GRID1: variants seen among roughly 807,000 people sequenced by gnomAD.
The protein encoded by GRID1 is glutamate ionotropic receptor delta type subunit 1.
A neutral mutation model predicts 98.0 loss-of-function variants in GRID1; 28 were observed. The ratio of observed to expected loss-of-function variants is 0.29; its 90% confidence interval spans 0.21 to 0.39. The LOEUF is 0.39. GRID1 is among the 10% of genes least tolerant of loss of function. GRID1 has a pLI of 1.00. For missense variants in GRID1, 1,111 were observed against 1,340.5 expected (o/e 0.83, Z 2.67); for synonymous variants, 553 against 538.5 (o/e 1.03, Z -0.37).
chr10:86,268,490 G>A (rs1283252117), intron 2 of GRID1, among the ~76,000 whole-genome samples: 3 of 152,298 alleles, frequency 2.0e-5, no homozygotes, highest in South Asian at 4.1e-4. Context: ...TTGTTACCAC[G>A]GGGGCTAGCC....
At chr10:86,309,027 T>C (rs74482914) in intron 2 of GRID1, among the ~76,000 whole-genome samples, 2,207 of 152,332 alleles carry the variant, frequency 0.014, 20 homozygotes, top group Middle Eastern at 0.027. Context: ...TAAAAATATA[T>C]TTATCTAGTA....
chr10:86,342,682 C>G (rs1848327183), intron 2 of GRID1, among the ~76,000 whole-genome samples: 1 of 152,188 alleles, frequency 6.6e-6, no homozygotes, highest in Admixed American at 6.5e-5. Flanking sequence ...AGGGAGCCCA[C>G]GCTGCTTCCC....
At chr10:86,278,887 C>A (rs1847313620) in intron 2 of GRID1, among the ~76,000 whole-genome samples, 1 of 152,172 alleles carries the variant, frequency 6.6e-6, no homozygotes, top group South Asian at 2.1e-4. Context: ...CTCCAGAAAA[C>A]TGTAAAGGAA....
At chr10:86,255,782 C>T (rs1333314373) in intron 2 of GRID1, among the ~76,000 whole-genome samples, 2 of 152,170 alleles carry the variant, frequency 1.3e-5, no homozygotes, top group Non-Finnish European at 1.5e-5. Context: ...TTGTGCTGGG[C>T]TGAGTCGGCA....
chr10:85,603,528 C>T (rs1842613320), intron 15 of GRID1, among the ~76,000 whole-genome samples: 1 of 152,190 alleles, frequency 6.6e-6, no homozygotes, highest in African/African-American at 2.4e-5. Flanking sequence ...GAAAACAAAA[C>T]AGAACAAATA....
At chr10:86,235,165 G>T (rs926127381) in intron 2 of GRID1, among the ~76,000 whole-genome samples, 2 of 152,166 alleles carry the variant, frequency 1.3e-5, no homozygotes, top group Non-Finnish European at 2.9e-5. Flanking sequence ...CCTGGAGAAG[G>T]CCCAGTCCCA....
chr10:85,720,405 A>T (rs1447843731), intron 12 of GRID1, among the ~76,000 whole-genome samples: 1 of 152,092 alleles, frequency 6.6e-6, no homozygotes, highest in East Asian at 1.9e-4. Flanking sequence ...GGGAGGAATC[A>T]CTCTACCCTA....
At chr10:85,890,192 G>C (rs73342547) in intron 5 of GRID1, among the ~76,000 whole-genome samples, 2,179 of 151,996 alleles carry the variant, frequency 0.014, 57 homozygotes, top group African/African-American at 0.049. Context: ...GATGATTACT[G>C]ATGTTAGGAG....
At chr10:86,088,670 T>C (rs1366832298) in intron 4 of GRID1, among the ~76,000 whole-genome samples, 2 of 152,172 alleles carry the variant, frequency 1.3e-5, no homozygotes, top group African/African-American at 4.8e-5. Flanking sequence ...GACATACTTT[T>C]TCCTTATTCT....
chr10:85,938,846 C>T (rs1239315672), intron 4 of GRID1, among the ~76,000 whole-genome samples: 1 of 152,128 alleles, frequency 6.6e-6, no homozygotes, highest in Non-Finnish European at 1.5e-5. Context: ...TTGATAATAC[C>T]AGCAACAACA....
At chr10:85,781,991 T>A (rs998250260) in intron 8 of GRID1, among the ~76,000 whole-genome samples, 1 of 152,232 alleles carries the variant, frequency 6.6e-6, no homozygotes, top group East Asian at 1.9e-4. Context: ...ATTGGTTTGA[T>A]CTATTTTTGT....
At position 85,601,974 on chromosome 10, in the gene GRID1, T is replaced by G; in HGVS notation, c.*299A>C. On this transcript the variant is annotated 3_prime_UTR_variant, in exon 16 of 16. Coordinates refer to ENST00000327946, the MANE Select transcript of GRID1 (RefSeq NM_017551.3). ...AAAGGCCCAGGAATGGGGGGGCTCC[T>G]TTGGCACTTCAGAATGATCACAAGT... is the stretch of plus-strand genomic sequence containing the variant. The G allele has an allele frequency of 6.8e-6, 2 of 293,632 alleles. No individual in the cohort carries two copies. The highest frequency in any genetic ancestry group is 4.6e-5 in the Admixed American group (1 of 21,726). 18.2% of individuals were successfully genotyped at this position (293,632 alleles called of 1,614,324 possible).
intron 2 of GRID1, among the ~76,000 whole-genome samples, chr10:86,218,245 C>A (rs968181677): frequency 1.3e-5 from 2 of 152,110 alleles, no homozygotes; most frequent in East Asian, 1.9e-4. Flanking sequence ...TTACTCCCCC[C>A]ACCGCAGCCT....
chr10:85,681,455 T>C (rs1841207804), intron 12 of GRID1, among the ~76,000 whole-genome samples: 1 of 152,224 alleles, frequency 6.6e-6, no homozygotes, highest in South Asian at 2.1e-4. Flanking sequence ...CCAAAGTTTA[T>C]TAATTCTCAA....
chr10:85,773,352 C>T (rs1473912814), intron 8 of GRID1, among the ~76,000 whole-genome samples: 3 of 152,130 alleles, frequency 2.0e-5, no homozygotes, highest in Non-Finnish European at 4.4e-5. Flanking sequence ...CTATGACAAG[C>T]CCACAGCCAA....
At chr10:86,253,128 T>C (rs770757444) in intron 2 of GRID1, among the ~76,000 whole-genome samples, 3 of 152,240 alleles carry the variant, frequency 2.0e-5, no homozygotes, top group African/African-American at 7.2e-5. Context: ...TACTTTTTGG[T>C]AATTACATTT....
At chr10:86,249,499 C>T (rs865951903) in intron 2 of GRID1, among the ~76,000 whole-genome samples, 18 of 152,336 alleles carry the variant, frequency 1.2e-4, no homozygotes, top group Middle Eastern at 6.8e-3. Flanking sequence ...ACCAGCCGCA[C>T]AACAGTTGGC....
At chr10:86,052,965 A>C (rs1221067770) in intron 4 of GRID1, among the ~76,000 whole-genome samples, 1 of 152,194 alleles carries the variant, frequency 6.6e-6, no homozygotes, top group Non-Finnish European at 1.5e-5. Context: ...AATGTGCTCA[A>C]AGACAGGTAC....
intron 4 of GRID1, among the ~76,000 whole-genome samples, chr10:86,059,202 C>T (rs543474268): frequency 2.0e-5 from 3 of 152,280 alleles, no homozygotes; most frequent in South Asian, 4.1e-4. Context: ...GGTCCACAAG[C>T]GTTCTGAGTC....
Sources: allele counts gnomAD v4.1 joint callset (sites outside exome capture counted in the v4.1 genomes callset), GRCh38; gene constraint gnomAD v4.1.1; transcripts MANE v1.5; gene names NCBI Gene and HGNC (gene_info 2026-07-23, HGNC 2026-07-21).